ROBO2: variants seen among roughly 807,000 people sequenced by gnomAD.
ROBO2 encodes roundabout guidance receptor 2.
ROBO2 carries 53 observed loss-of-function variants against 160.8 expected under a neutral mutation model. That is an observed-to-expected ratio of 0.33 (90% CI 0.26 to 0.41). The LOEUF (loss-of-function observed/expected upper bound fraction) is 0.41. Ranked by LOEUF, ROBO2 falls within the 10% of genes least tolerant of loss-of-function variation. The probability of loss-of-function intolerance (pLI) is 1.00; values close to 1 mark genes in which losing one functional copy is unlikely to be tolerated. For synonymous variants in ROBO2, 664 were observed against 611.7 expected (o/e 1.09, Z -1.26); for missense variants, 1,577 against 1,722.4 (o/e 0.92, Z 1.49).
At chr3:76,121,555 C>T (rs2070754437) in intron 2 of ROBO2, among the ~76,000 whole-genome samples, 1 of 152,136 alleles carries the variant, frequency 6.6e-6, no homozygotes, top group Non-Finnish European at 1.5e-5. Flanking sequence ...CCTACACCAT[C>T]TGTGTTGGTT....
At chr3:77,091,851 G>A (rs1165980904) in intron 1 of ROBO2, among the ~76,000 whole-genome samples, 2 of 151,856 alleles carry the variant, frequency 1.3e-5, no homozygotes, top group Admixed American at 6.6e-5. Context: ...GTGGTGGTGC[G>A]TGCCTGTAGT....
intron 2 of ROBO2, among the ~76,000 whole-genome samples, chr3:76,544,978 T>A (rs558952777): frequency 2.5e-4 from 38 of 152,116 alleles, no homozygotes; most frequent in Non-Finnish European, 5.4e-4. Flanking sequence ...TTCCCCTCCA[T>A]CATATCCCAC....
intron 2 of ROBO2, among the ~76,000 whole-genome samples, chr3:77,439,917 A>C (rs2153552171): frequency 6.6e-6 from 1 of 152,284 alleles, no homozygotes; most frequent in Admixed American, 6.5e-5. Context: ...AGTTAAACAC[A>C]TTTTGGCCTG....
At chr3:76,121,738 A>G (rs1027099278) in intron 2 of ROBO2, among the ~76,000 whole-genome samples, 6 of 152,168 alleles carry the variant, frequency 3.9e-5, no homozygotes, top group Non-Finnish European at 8.8e-5. Context: ...TAATTCACTG[A>G]AAGCCATACT....
At chr3:76,309,515 T>A (rs1232936593) in intron 2 of ROBO2, among the ~76,000 whole-genome samples, 1 of 152,182 alleles carries the variant, frequency 6.6e-6, no homozygotes, top group Non-Finnish European at 1.5e-5. Context: ...TATTTTCAAA[T>A]TTAATATGTG....
intron 2 of ROBO2, among the ~76,000 whole-genome samples, chr3:76,112,723 A>G (rs1016504316): frequency 6.6e-6 from 1 of 152,082 alleles, no homozygotes; most frequent in Non-Finnish European, 1.5e-5. Flanking sequence ...TCATTCTCAA[A>G]TGATTTTTAA....
chr3:76,702,586 A>C (rs2093069483), intron 2 of ROBO2, among the ~76,000 whole-genome samples: 1 of 152,014 alleles, frequency 6.6e-6, no homozygotes, highest in Non-Finnish European at 1.5e-5. Context: ...GATTGAATTA[A>C]AGTGATTTAA....
chr3:76,798,191 AAAG>A (rs539855507), intron 2 of ROBO2, among the ~76,000 whole-genome samples: 41 of 150,152 alleles, frequency 2.7e-4, no homozygotes, highest in South Asian at 1.3e-3. Context: ...AAAGAAAGAA[AAAG>A]AAGAAAGAAA....
intron 2 of ROBO2, among the ~76,000 whole-genome samples, chr3:77,217,043 G>T (rs11712527): frequency 6.6e-6 from 1 of 152,084 alleles, no homozygotes; most frequent in South Asian, 2.1e-4. Flanking sequence ...GGGAAAATTA[G>T]AGTGGTAAAG....
intron 2 of ROBO2, among the ~76,000 whole-genome samples, chr3:77,412,969 C>T (rs1048824605): frequency 1.3e-5 from 2 of 152,098 alleles, no homozygotes; most frequent in Non-Finnish European, 2.9e-5. Context: ...GTAATCCCAG[C>T]GCTTTGGGAG....
At chr3:76,903,044 A>G (rs2075340308) in intron 2 of ROBO2, among the ~76,000 whole-genome samples, 1 of 151,994 alleles carries the variant, frequency 6.6e-6, no homozygotes, top group Admixed American at 6.6e-5. Flanking sequence ...TTTATTACCC[A>G]TGGCAGTTCA....
At chr3:77,342,050 C>T (rs1036045715) in intron 2 of ROBO2, among the ~76,000 whole-genome samples, 6 of 152,036 alleles carry the variant, frequency 3.9e-5, no homozygotes, top group African/African-American at 1.4e-4. Context: ...GGAAATAAAG[C>T]TTCCGTGCGT....
chr3:75,985,040 CAT>C (rs776602449), intron 2 of ROBO2, among the ~76,000 whole-genome samples: 12 of 151,424 alleles, frequency 7.9e-5, no homozygotes, highest in Non-Finnish European at 1.8e-4. Context: ...AATATACACA[CAT>C]ATGTCATTTT....
chr3:76,243,517 T>C (rs1488738809), intron 2 of ROBO2, among the ~76,000 whole-genome samples: 6 of 152,174 alleles, frequency 3.9e-5, no homozygotes, highest in Admixed American at 3.9e-4. Context: ...CCCAAAGGCC[T>C]GAGAAGCAGC....
intron 6 of ROBO2, among the ~76,000 whole-genome samples, chr3:77,542,318 G>T (rs2092502160): frequency 6.6e-6 from 1 of 152,126 alleles, no homozygotes; most frequent in African/African-American, 2.4e-5. Context: ...AGGAAAGGAT[G>T]TGTATTTTCA....
At chr3:76,571,509 G>C (rs2084956289) in intron 2 of ROBO2, among the ~76,000 whole-genome samples, 1 of 152,006 alleles carries the variant, frequency 6.6e-6, no homozygotes, top group Non-Finnish European at 1.5e-5. Flanking sequence ...TCATGAGATA[G>C]AATTATCAAA....
intron 2 of ROBO2, among the ~76,000 whole-genome samples, chr3:76,433,234 C>A (rs936972708): frequency 6.6e-6 from 1 of 152,094 alleles, no homozygotes; most frequent in Non-Finnish European, 1.5e-5. Context: ...TACTTACACG[C>A]TATTTATAAG....
At chr3:77,521,147 C>T (rs1012766807) in intron 5 of ROBO2, among the ~76,000 whole-genome samples, 17 of 151,144 alleles carry the variant, frequency 1.1e-4, no homozygotes, top group East Asian at 5.8e-4. Flanking sequence ...ACTCACTCCA[C>T]GAAATAGATG....
intron 2 of ROBO2, among the ~76,000 whole-genome samples, chr3:76,078,060 A>G (rs2068699822): frequency 6.6e-6 from 1 of 152,208 alleles, no homozygotes; most frequent in Admixed American, 6.5e-5. Context: ...AAATTTCACA[A>G]TACTGGAATA....
Sources: gnomAD v4.1 joint callset for allele counts (sites outside exome capture counted in the v4.1 genomes callset) on GRCh38, gnomAD v4.1.1 for gene constraint, MANE v1.5 for transcripts, NCBI Gene and HGNC (gene_info 2026-07-23, HGNC 2026-07-21) for gene names.